COL15A1: variants seen among roughly 807,000 people sequenced by gnomAD.
COL15A1 encodes the protein collagen alpha-1(XV) chain.
A neutral mutation model predicts 165.9 loss-of-function variants in COL15A1; 111 were observed. The ratio of observed to expected loss-of-function variants is 0.67; its 90% confidence interval spans 0.57 to 0.78. The LOEUF (loss-of-function observed/expected upper bound fraction) is 0.78. COL15A1 is among the 30% of genes least tolerant of loss of function. COL15A1 has a pLI of 0.00. For synonymous variants in COL15A1, 659 were observed against 674.8 expected (o/e 0.98, Z 0.36); for missense variants, 1,745 against 1,789.7 (o/e 0.98, Z 0.45).
At chr9:99,061,627 G>A (rs1163921018) in intron 36 of COL15A1, among the ~76,000 whole-genome samples, 1 of 152,146 alleles carries the variant, frequency 6.6e-6, no homozygotes, top group East Asian at 1.9e-4. Context: ...AAAAATAGAA[G>A]TGGTAAAACT....
At chr9:98,981,403 G>A (rs189427469) in intron 2 of COL15A1, among the ~76,000 whole-genome samples, 64 of 152,276 alleles carry the variant, frequency 4.2e-4, no homozygotes, top group African/African-American at 1.5e-3. Context: ...GGTGCAGTGA[G>A]CCGAGATTGT....
intron 34 of COL15A1, among the ~76,000 whole-genome samples, chr9:99,055,659 A>G (rs980746257): frequency 4.6e-5 from 7 of 152,246 alleles, no homozygotes; most frequent in Middle Eastern, 3.2e-3. Context: ...ACAAAGAATG[A>G]TTAATGGTGA....
At chr9:98,952,014 T>C (rs1311574739) in intron 2 of COL15A1, among the ~76,000 whole-genome samples, 2 of 152,228 alleles carry the variant, frequency 1.3e-5, no homozygotes, top group African/African-American at 2.4e-5. Flanking sequence ...GACCACTGAT[T>C]AGTTGCCTGC....
Position 99,035,164 on chromosome 9 carries a change from C to A in COL15A1, c.2220+10C>A. On this transcript the variant is annotated intron_variant, in intron 18 of 41. Transcript: ENST00000375001. Reference sequence around the variant, plus strand: ...GGGACTTGGATTCGAGGTACTTTTCCCCTTTTCTGTGGTTATAAAAATGAT... The same window carrying A: ...GGGACTTGGATTCGAGGTACTTTTCACCTTTTCTGTGGTTATAAAAATGAT... 6.3e-7 allele frequency: 1 copy of A among 1,587,872 alleles called. No homozygotes were observed.
In COL15A1 at chr9:99,069,913, T is replaced by G. The variant is rs1825957637; in HGVS notation, c.*27T>G. The G allele has an allele frequency of 1.3e-6, 2 of 1,551,076 alleles. No homozygotes were observed. Among genetic ancestry groups the G allele is most frequent in the Non-Finnish European group, 1.8e-6 (2 of 1,133,464 alleles). On this transcript the variant is annotated 3_prime_UTR_variant, in exon 42 of 42. Transcript: ENST00000375001. Reference sequence around the variant, plus strand: ...GGCCTTCTGATGATTCTTAAAGAGTTTTCAATTTTTTCTTATGTGAAGAGT... The same window carrying G: ...GGCCTTCTGATGATTCTTAAAGAGTGTTCAATTTTTTCTTATGTGAAGAGT...
At chr9:98,994,662 C>G (rs145042931) in intron 5 of COL15A1, among the ~76,000 whole-genome samples, 1 of 152,120 alleles carries the variant, frequency 6.6e-6, no homozygotes, top group Non-Finnish European at 1.5e-5. Context: ...ACCTAGCACA[C>G]GGTAGGGCCT....
intron 30 of COL15A1, among the ~76,000 whole-genome samples, chr9:99,051,213 C>A (rs1839581597): frequency 6.6e-6 from 1 of 152,154 alleles, no homozygotes; most frequent in Non-Finnish European, 1.5e-5. Flanking sequence ...AATGAGCCAG[C>A]CACAGAACAG....
In COL15A1 at chr9:99,056,201, A is replaced by T. The variant is rs537055425; in HGVS notation, c.3193-59A>T. ...TTAAATATTCTCATAAAAGGACTAG[A>T]TGGGACTTCGAGTGATGAATGATGC... On this transcript the variant is annotated intron_variant, in intron 34 of 41. Transcript: ENST00000375001. 2.8e-5 allele frequency: 42 copies of T among 1,515,570 alleles called. No homozygotes were observed. In the Middle Eastern group the frequency reaches 8.5e-4, roughly 31 times the overall value. The allele number at this position is 1,515,570 out of a possible 1,614,324, so 93.9% of individuals were successfully genotyped here.
intron 13 of COL15A1, among the ~76,000 whole-genome samples, chr9:99,022,793 G>T (rs568942821): frequency 5.9e-5 from 9 of 152,332 alleles, no homozygotes; most frequent in Non-Finnish European, 2.9e-5. Flanking sequence ...GTGCTGGAAA[G>T]GTGTTTTGAA....
intron 5 of COL15A1, among the ~76,000 whole-genome samples, chr9:98,990,025 G>T (rs776705589): frequency 6.6e-6 from 1 of 152,220 alleles, no homozygotes; most frequent in East Asian, 1.9e-4. Context: ...CTTTGTAAAC[G>T]TATCTCTAAT....
chr9:99,032,889 A>G (rs1245240796), intron 16 of COL15A1, among the ~76,000 whole-genome samples: 1 of 152,172 alleles, frequency 6.6e-6, no homozygotes, highest in Admixed American at 6.5e-5. Flanking sequence ...CTTTATCATA[A>G]CCACTGTTTT....
rs767300534 is a variant in COL15A1 at position 99,014,552 on chromosome 9, C to A, written c.1354-865C>A. Among the ~76,000 whole-genome samples, 13 of 152,126 alleles carry A rather than the reference C, an allele frequency of 8.5e-5. 1 individual carries two copies. Among genetic ancestry groups the A allele is most frequent in the Admixed American group, 8.5e-4 (13 of 15,260 alleles). On this transcript the variant is annotated intron_variant, in intron 9 of 41. Transcript: ENST00000375001. ...GAAAGCTCAAGCTGGTATCAAGCAC[C>A]GATATGAGATTTGTCAAAGGTCAGT...
chr9:98,971,630 G>A (rs1239794034), intron 2 of COL15A1, among the ~76,000 whole-genome samples: 1 of 152,208 alleles, frequency 6.6e-6, no homozygotes, highest in African/African-American at 2.4e-5. Flanking sequence ...GTAAAGGAAG[G>A]GACGTAAAGA....
intron 13 of COL15A1, among the ~76,000 whole-genome samples, chr9:99,022,941 G>A (rs1396713765): frequency 1.3e-5 from 2 of 152,184 alleles, no homozygotes; most frequent in Non-Finnish European, 2.9e-5. Context: ...TAGTTTAGAG[G>A]AGCCGATGGA....
chr9:98,991,226 C>T (rs77302694), intron 5 of COL15A1, among the ~76,000 whole-genome samples: 2 of 149,132 alleles, frequency 1.3e-5, no homozygotes, highest in African/African-American at 5.0e-5. Flanking sequence ...TGCCGCTGCT[C>T]ACTCAGGCAG....
chr9:99,028,018 G>T (rs1343384869), intron 16 of COL15A1, among the ~76,000 whole-genome samples: 2 of 152,126 alleles, frequency 1.3e-5, no homozygotes, highest in Admixed American at 1.3e-4. Flanking sequence ...AACAATATCT[G>T]CCCTTCAACT....
chr9:99,016,224 G>T (rs1432162257), intron 11 of COL15A1, 105 bp downstream of exon 11: 2 of 1,401,560 alleles, frequency 1.4e-6, no homozygotes, highest in African/African-American at 2.9e-5. Context: ...CTCAGAGGTA[G>T]GTTTTCATGT....
At chr9:99,065,333 C>T (rs1218679423) in intron 39 of COL15A1, among the ~76,000 whole-genome samples, 4 of 152,066 alleles carry the variant, frequency 2.6e-5, no homozygotes, top group Non-Finnish European at 5.9e-5. Context: ...GATGTAGCCC[C>T]AAAGCACACT....
intron 41 of COL15A1, 51 bp downstream of exon 41, chr9:99,068,721 G>A: frequency 9.1e-7 from 1 of 1,101,084 alleles, no homozygotes; most frequent in Non-Finnish European, 1.3e-6. Flanking sequence ...AGTTTTAGGG[G>A]GCATCCTAAC....
Sources: gnomAD v4.1 joint callset for allele counts (sites outside exome capture counted in the v4.1 genomes callset) on GRCh38, gnomAD v4.1.1 for gene constraint, MANE v1.5 for transcripts, NCBI Gene and HGNC (gene_info 2026-07-23, HGNC 2026-07-21) for gene names.